The following CD9 variants were observed in gnomAD, a reference collection of about 807,000 sequenced individuals.
The protein encoded by CD9 is CD9 antigen.
CD9 carries 10 observed loss-of-function variants against 31.4 expected under a neutral mutation model. The ratio of observed to expected loss-of-function variants is 0.32; its 90% confidence interval spans 0.20 to 0.54. The LOEUF (loss-of-function observed/expected upper bound fraction) is 0.54. CD9 is among the 20% of genes least tolerant of loss of function. CD9 has a pLI of 0.94. For synonymous variants in CD9, 113 were observed against 114.1 expected, an observed-to-expected ratio of 0.99 and a Z score of 0.06; for missense variants, 259 against 300.1, an observed-to-expected ratio of 0.86 and a Z score of 1.01.
chr12:6,216,901 AT>A (rs199631943), intron 1 of CD9, among the ~76,000 whole-genome samples: 2 of 151,834 alleles, frequency 1.3e-5, no homozygotes, highest in South Asian at 2.1e-4. Flanking sequence ...TATTATTGTC[AT>A]TTTTTTTCCC....
Position 6,233,474 on chromosome 12 carries a change from C to A in CD9, c.336C>A (p.Ser112=). 3 of 1,613,330 alleles carry A rather than the reference C, an allele frequency of 1.9e-6. No homozygotes were observed. Among genetic ancestry groups the A allele is most frequent in the Non-Finnish European group, 2.5e-6 (3 of 1,179,282 alleles). The stretch of plus-strand genomic sequence containing the variant: ...TAGCTGCGGCCATCTGGGGATATTC[C>A]CACAAGGATGAGGTAGGTTTTTCCC... ...IEIAAAIWGY[S]HKDEVIKEVQ... is the part of the protein sequence containing the mutation. Residue 112 remains serine (S), a synonymous_variant, in exon 4 of 8, where the codon TCC becomes TCA. Transcript: ENST00000009180.
chr12:6,235,139 T>C, intron 4 of CD9, 90 bp from the exon 5 acceptor site: 2 of 969,464 alleles, frequency 2.1e-6, no homozygotes. Flanking sequence ...GCTGAGAGCT[T>C]AGAGAGAACA....
chr12:6,229,725 C>G (rs1370238076), intron 2 of CD9, among the ~76,000 whole-genome samples: 2 of 151,942 alleles, frequency 1.3e-5, no homozygotes, highest in African/African-American at 4.8e-5. Flanking sequence ...TCTCCCTGGG[C>G]TAAACTGAGA....
chr12:6,213,091 G>A (rs868184406), intron 1 of CD9, among the ~76,000 whole-genome samples: 26 of 152,120 alleles, frequency 1.7e-4, no homozygotes, highest in African/African-American at 6.3e-4. Context: ...ATTGTTACTG[G>A]GACTAAGGGG....
rs1376270804 is a variant in CD9, at chr12:6,232,905, C to T, written c.273+176C>T. 1 of 703,264 alleles carries T rather than the reference C, an allele frequency of 1.4e-6. No homozygotes were observed. The highest frequency in any genetic ancestry group is 2.0e-5 in the Admixed American group (1 of 50,004). The allele number at this position is 703,264 out of a possible 1,614,324, so 43.6% of individuals were successfully genotyped here. On this transcript the variant is annotated intron_variant, in intron 3 of 7. Coordinates refer to ENST00000009180, the MANE Select transcript of CD9 (RefSeq NM_001769.4). The surrounding 1 kb of genome is among the most constrained non-coding windows in gnomAD (Gnocchi z 4.8). ...CCGATGTGAGGCGTCGCCCCTCTTC[C>T]TTTCTGGAGCCTGTCTTATCGCTTC... is the stretch of plus-strand genomic sequence containing the variant.
chr12:6,212,616 A>G (rs759827212), intron 1 of CD9, among the ~76,000 whole-genome samples: 1 of 152,248 alleles, frequency 6.6e-6, no homozygotes, highest in Non-Finnish European at 1.5e-5. Context: ...TAGGCAGGCT[A>G]AGCATGTGCT....
chr12:6,235,633 G>C (rs754478390), intron 6 of CD9, 68 bp downstream of exon 6: 2 of 1,518,956 alleles, frequency 1.3e-6, no homozygotes, highest in Non-Finnish European at 1.8e-6. Context: ...AAGCATGAAA[G>C]TGACAGCAGC....
intron 1 of CD9, among the ~76,000 whole-genome samples, chr12:6,205,519 G>T (rs1946121391): frequency 6.6e-6 from 1 of 152,160 alleles, no homozygotes; most frequent in Non-Finnish European, 1.5e-5. Context: ...CGGCTGCTGG[G>T]CTCACAAATC....
chr12:6,229,698 G>T (rs185986536), intron 2 of CD9, among the ~76,000 whole-genome samples: 1 of 151,590 alleles, frequency 6.6e-6, no homozygotes, highest in Non-Finnish European at 1.5e-5. Context: ...GTGTAGGGAC[G>T]GGAGCCTGCT....
chr12:6,232,416 A>G lies in CD9; in HGVS notation c.176-216A>G. The stretch of plus-strand genomic sequence containing the variant: ...TAAGGTAGGAGCGTGAGCTTGATGA[A>G]GCAGAGTCATGCAAGAGAGGCTGGT... On this transcript the variant is annotated intron_variant, in intron 2 of 7. Coordinates refer to ENST00000009180, the MANE Select transcript of CD9 (RefSeq NM_001769.4). The surrounding 1 kb of genome is among the most constrained non-coding windows in gnomAD (Gnocchi z 4.8). The G allele has an allele frequency of 1.6e-6, 1 of 609,614 alleles. No individual in the cohort carries two copies. Among genetic ancestry groups the G allele is most frequent in the Non-Finnish European group, 2.9e-6 (1 of 341,582 alleles). 37.8% of individuals were successfully genotyped at this position (609,614 alleles called of 1,614,324 possible).
intron 1 of CD9, among the ~76,000 whole-genome samples, chr12:6,208,962 C>G (rs758813248): frequency 1.3e-5 from 2 of 152,048 alleles, no homozygotes; most frequent in Non-Finnish European, 2.9e-5. Flanking sequence ...GTGAACTCAT[C>G]ATTGCTTTTT....
At chr12:6,219,967 C>T (rs1270535445) in intron 1 of CD9, among the ~76,000 whole-genome samples, 1 of 152,128 alleles carries the variant, frequency 6.6e-6, no homozygotes, top group African/African-American at 2.4e-5. Flanking sequence ...ACCATCCGTC[C>T]AAAGCATGGA....
chr12:6,224,579 A>G (rs1946337659), intron 1 of CD9, among the ~76,000 whole-genome samples: 1 of 152,192 alleles, frequency 6.6e-6, no homozygotes, highest in South Asian at 2.1e-4. Context: ...GGGCTCTGAC[A>G]TAAGAGTGCC....
chr12:6,200,517 C>T lies in CD9; in HGVS notation c.18C>T (p.Gly6=). The part of the protein sequence containing the change: MPVKG[G]TKCIKYLLFG... ...CCCTCACCATGCCGGTCAAAGGAGG[C>T]ACCAAGTGCATCAAATACCTGCTGT... The change falls in exon 1 of 8, where the codon GGC becomes GGT. Residue 6 remains glycine (G), a synonymous_variant. Transcript: ENST00000009180. The T allele has an allele frequency of 6.2e-7, 1 of 1,611,034 alleles. No individual in the cohort carries two copies. The highest frequency in any genetic ancestry group is 8.5e-7 in the Non-Finnish European group (1 of 1,177,904).
chr12:6,219,572 G>A lies in CD9; in HGVS notation c.67-5854G>A, dbSNP rs575641455. Among the ~76,000 whole-genome samples the A allele has an allele frequency of 1.7e-3, 258 of 151,174 alleles. 2 individuals carry two copies. Among genetic ancestry groups the A allele is most frequent in the Middle Eastern group, 6.8e-3 (2 of 294 alleles). Reference sequence around the variant, plus strand: ...GTGATCTCGGCTCACTGCAAGCTCCGCCTCCCGGGTTCACTCCATTCTCCT... The same window carrying A: ...GTGATCTCGGCTCACTGCAAGCTCCACCTCCCGGGTTCACTCCATTCTCCT... On this transcript the variant is annotated intron_variant, in intron 1 of 7. Coordinates refer to ENST00000009180, the MANE Select transcript of CD9 (RefSeq NM_001769.4).
At chr12:6,211,238 G>A (rs1185638964) in intron 1 of CD9, among the ~76,000 whole-genome samples, 1 of 152,220 alleles carries the variant, frequency 6.6e-6, no homozygotes, top group African/African-American at 2.4e-5. Flanking sequence ...TTCTGGAGAA[G>A]TGCTTAGGGT....
chr12:6,209,174 G>A (rs563483000), intron 1 of CD9, among the ~76,000 whole-genome samples: 3 of 152,098 alleles, frequency 2.0e-5, no homozygotes, highest in Non-Finnish European at 4.4e-5. Context: ...TCATCATGTT[G>A]GCCAGGCTGG....
At chr12:6,219,288 G>A (rs928618396) in intron 1 of CD9, among the ~76,000 whole-genome samples, 13 of 152,138 alleles carry the variant, frequency 8.5e-5, no homozygotes, top group Non-Finnish European at 1.5e-4. Flanking sequence ...TTACAGGCAT[G>A]AGCCACCGCA....
chr12:6,211,679 G>C (rs567169848), intron 1 of CD9, among the ~76,000 whole-genome samples: 1 of 152,162 alleles, frequency 6.6e-6, no homozygotes, highest in Non-Finnish European at 1.5e-5. Context: ...ACAAATGTGT[G>C]GTATTCTGGA....
Sources: gnomAD v4.1 joint callset for allele counts (sites outside exome capture counted in the v4.1 genomes callset) on GRCh38, gnomAD v4.1.1 for gene constraint, Gnocchi (gnomAD v3.1) non-coding constraint, MANE v1.5 for transcripts, NCBI Gene and HGNC (gene_info 2026-07-23, HGNC 2026-07-21) for gene names.